SYCP2: variants seen among roughly 807,000 people sequenced by gnomAD.
SYCP2 encodes the protein synaptonemal complex lateral element protein.
Under a neutral mutation model 211.3 loss-of-function variants are expected in SYCP2, and 55 were observed. The observed-to-expected ratio is 0.26, with a 90% CI of 0.21 to 0.33. The LOEUF (loss-of-function observed/expected upper bound fraction) is 0.33. Ranked by LOEUF, SYCP2 falls within the 10% of genes least tolerant of loss-of-function variation. The probability of loss-of-function intolerance (pLI) is 1.00; values close to 1 mark genes in which losing one functional copy is unlikely to be tolerated. For synonymous variants in SYCP2, 570 were observed against 555.2 expected (o/e 1.03, Z -0.37); for missense variants, 1,731 against 1,752.0 (o/e 0.99, Z 0.21).
chr20:59,905,802 A>G (rs909871036), intron 15 of SYCP2, among the ~76,000 whole-genome samples: 2 of 152,160 alleles, frequency 1.3e-5, no homozygotes, highest in Non-Finnish European at 2.9e-5. Context: ...TTTCCTAAGC[A>G]AAGATTGGGA....
rs1034846652 is a variant in SYCP2, at chr20:59,912,019, T to C, written c.877-174A>G. 17 of 438,324 alleles carry C rather than the reference T, an allele frequency of 3.9e-5. No homozygotes were observed. The South Asian group carries it at 4.0e-4, about 10-fold the overall frequency. 27.2% of individuals were successfully genotyped at this position (438,324 alleles called of 1,614,324 possible). A position where few individuals can be genotyped will look rare whatever the true frequency, so the allele number is the denominator to read the frequency against. On this transcript the variant is annotated intron_variant, in intron 13 of 44. Transcript: ENST00000357552. ...TAAAAACAATCAAATGAAATGCTAC[T>C]TTAATATTTTATAAAAAATCAACTA...
At position 59,922,525 on chromosome 20, in the gene SYCP2, T is replaced by G; in HGVS notation, c.-46-66A>C. On this transcript the variant is annotated intron_variant, in intron 2 of 44. Coordinates refer to ENST00000357552, the MANE Select transcript of SYCP2 (RefSeq NM_014258.4). ...TTTCATGTGTTTATCAGTTTAAATA[T>G]CTTACACACATAAATATGCATTTGT... 4.0e-6 allele frequency: 3 copies of G among 745,720 alleles called. No individual in the cohort carries two copies. The South Asian group carries it at 6.8e-5, about 17-fold the overall frequency. The allele number at this position is 745,720 out of a possible 1,614,324, so 46.2% of individuals were successfully genotyped here. A position where few individuals can be genotyped will look rare whatever the true frequency, so the allele number is the denominator to read the frequency against.
chr20:59,932,378 A>G (rs1166208465), intron 1 of SYCP2, among the ~76,000 whole-genome samples: 1 of 152,134 alleles, frequency 6.6e-6, no homozygotes. Context: ...TCCTCCCATC[A>G]TTACTAAAAA....
chr20:59,910,374 ATT>A (rs898302276), intron 14 of SYCP2, among the ~76,000 whole-genome samples: 68 of 76,214 alleles, frequency 8.9e-4, no homozygotes, highest in African/African-American at 2.1e-3. Flanking sequence ...GTAATTGCTT[ATT>A]TTTTTTTTTT....
In SYCP2 at chr20:59,870,274, G is replaced by C. The variant is rs147442751; in HGVS notation, c.3556-291C>G. On this transcript the variant is annotated intron_variant, in intron 35 of 44. Transcript: ENST00000357552. ...CGAATAAGAATTTTTTGCATTTTCT[G>C]TTCTAATCTTCATGTGTAACAGTTT... Among the ~76,000 whole-genome samples, 349 of 151,714 alleles carry C rather than the reference G, an allele frequency of 2.3e-3. 1 individual carries two copies. The highest frequency in any genetic ancestry group is 8.0e-3 in the African/African-American group (332 of 41,458).
At chr20:59,920,544 C>T (rs2145875342) in intron 4 of SYCP2, 57 bp from the exon 5 acceptor site, 3 of 1,366,992 alleles carry the variant, frequency 2.2e-6, no homozygotes, top group South Asian at 2.5e-5. Flanking sequence ...ATGAAATAGA[C>T]ATTGTACAAG....
chr20:59,910,154 G>A (rs950707274), intron 14 of SYCP2, among the ~76,000 whole-genome samples: 4 of 152,072 alleles, frequency 2.6e-5, no homozygotes, highest in Non-Finnish European at 4.4e-5. Context: ...AAGGATTCAA[G>A]GAGCCACTGT....
rs934852950 is a variant in SYCP2 at position 59,895,586 on chromosome 20, G to C, written c.1516C>G (p.Arg506Gly). The change falls in exon 20 of 45, where the codon CGA becomes GGA. Residue 506 changes from arginine (R) to glycine (G), a missense_variant. Coordinates refer to ENST00000357552, the MANE Select transcript of SYCP2 (RefSeq NM_014258.4). ...VLFSNTSIPP[R>G]RRRIKPPLQM... Reference sequence around the variant, plus strand: ...AGTGGTGGTTTAATTCTTCTTCTTCGTGGTGGTATTGCTAAAAAGGAGGAC... The same window carrying C: ...AGTGGTGGTTTAATTCTTCTTCTTCCTGGTGGTATTGCTAAAAAGGAGGAC... 4 of 1,612,782 alleles carry C rather than the reference G, an allele frequency of 2.5e-6. No individual in the cohort carries two copies. Among genetic ancestry groups the C allele is most frequent in the African/African-American group, 1.3e-5 (1 of 74,788 alleles).
intron 14 of SYCP2, among the ~76,000 whole-genome samples, chr20:59,909,585 T>A (rs2030143037): frequency 6.6e-6 from 1 of 152,240 alleles, no homozygotes; most frequent in Non-Finnish European, 1.5e-5. Context: ...ACGTGACACA[T>A]AGTTCTCAAT....
chr20:59,918,843 TTTCA>T (rs796958766), intron 7 of SYCP2, among the ~76,000 whole-genome samples: 2 of 152,256 alleles, frequency 1.3e-5, no homozygotes, highest in African/African-American at 4.8e-5. Context: ...AGAATGCAAG[TTTCA>T]TTATTAGTAG....
chr20:59,903,275 G>A (rs1472364107), intron 15 of SYCP2, among the ~76,000 whole-genome samples: 1 of 151,970 alleles, frequency 6.6e-6, no homozygotes, highest in African/African-American at 2.4e-5. Context: ...ACTTTGTTTT[G>A]TTGCTTGCTA....
intron 15 of SYCP2, among the ~76,000 whole-genome samples, chr20:59,905,905 G>A (rs1433090448): frequency 6.6e-6 from 1 of 152,146 alleles, no homozygotes; most frequent in Non-Finnish European, 1.5e-5. Context: ...AAAGGAGGGA[G>A]GGAGTGCATA....
intron 7 of SYCP2, among the ~76,000 whole-genome samples, chr20:59,916,961 T>C (rs1189375237): frequency 2.6e-5 from 4 of 152,066 alleles, no homozygotes; most frequent in African/African-American, 9.7e-5. Flanking sequence ...GATATACTAC[T>C]GCAGTTCAGA....
chr20:59,901,126 G>A (rs968101080), intron 16 of SYCP2, among the ~76,000 whole-genome samples: 5 of 151,960 alleles, frequency 3.3e-5, no homozygotes, highest in African/African-American at 7.3e-5. Flanking sequence ...AACATCACAT[G>A]AATTGTCACC....
Position 59,932,070 on chromosome 20 carries a change from T to TA in SYCP2, c.-56dup, listed in dbSNP as rs2060758100. On this transcript the variant is annotated 5_prime_UTR_variant, in exon 2 of 45. Coordinates refer to ENST00000357552, the MANE Select transcript of SYCP2 (RefSeq NM_014258.4). The stretch of plus-strand genomic sequence containing the variant: ...GAGAAGCGTGGATTTACCTGACAAG[T>TA]AAGCAGGCTCTGGGCTCCAGTCTAC... The TA allele has an allele frequency of 6.6e-6, 1 of 152,006 alleles. No individual in the cohort carries two copies. Among genetic ancestry groups the TA allele is most frequent in the African/African-American group, 2.4e-5 (1 of 41,376 alleles). The allele number at this position is 152,006 out of a possible 1,614,324, so 9.4% of individuals were successfully genotyped here. A position where few individuals can be genotyped will look rare whatever the true frequency, so the allele number is the denominator to read the frequency against.
At position 59,895,328 on chromosome 20, in the gene SYCP2, T is replaced by A; in HGVS notation, c.1665+109A>T. ...TAAATATTTAGGGGAAAAAAGGTAA[T>A]GCTTTAAACAAAATGAGACACTTGC... On this transcript the variant is annotated intron_variant, in intron 20 of 44. Transcript: ENST00000357552. The A allele has an allele frequency of 1.4e-5, 12 of 865,858 alleles. No homozygotes were observed. The South Asian group carries it at 2.4e-4, about 17-fold the overall frequency. 53.6% of individuals were successfully genotyped at this position (865,858 alleles called of 1,614,324 possible).
At chr20:59,878,167 T>G in intron 31 of SYCP2, 122 bp from the exon 32 acceptor site, 1 of 705,480 alleles carries the variant, frequency 1.4e-6, no homozygotes, top group Non-Finnish European at 2.2e-6. Flanking sequence ...TTTTAAAGCA[T>G]GTGTTAGCAT....
intron 22 of SYCP2, 69 bp downstream of exon 22, chr20:59,893,072 CA>C (rs2059938742): frequency 9.2e-7 from 1 of 1,092,394 alleles, no homozygotes. Flanking sequence ...CCTTTTCCTC[CA>C]AATCTGTTAC....
intron 1 of SYCP2, chr20:59,933,100 G>A (rs1019870605): frequency 2.6e-5 from 4 of 152,608 alleles, no homozygotes; most frequent in Non-Finnish European, 5.8e-5. Flanking sequence ...CCGGAGACAG[G>A]CGAGCAGCGG....
Sources: allele counts gnomAD v4.1 joint callset (sites outside exome capture counted in the v4.1 genomes callset), GRCh38; gene constraint gnomAD v4.1.1; transcripts MANE v1.5; gene names NCBI Gene and HGNC (gene_info 2026-07-23, HGNC 2026-07-21).